Variants in PCDH11X observed in about 807,000 individuals in gnomAD.
PCDH11X encodes the protein protocadherin-11 X-linked.
In PCDH11X, 18 loss-of-function variants were observed where a neutral mutation model predicts 53.3. The ratio of observed to expected loss-of-function variants is 0.34; its 90% CI spans 0.23 to 0.50. PCDH11X has a LOEUF of 0.50. PCDH11X is among the 20% of genes least tolerant of loss of function. The probability of loss-of-function intolerance (pLI) is 0.98; values close to 1 mark genes in which losing one functional copy is unlikely to be tolerated. For missense variants in PCDH11X, 570 were observed against 1,032.4 expected, an observed-to-expected ratio of 0.55 and a Z score of 6.14; for synonymous variants, 279 against 393.3, an observed-to-expected ratio of 0.71 and a Z score of 3.44.
intron 6 of PCDH11X, among the ~76,000 whole-genome samples, chrX:91,964,473 G>A (rs955775612): frequency 1.9e-4 from 21 of 111,082 alleles, no homozygotes; most frequent in African/African-American, 3.0e-4. Context: ...AATGCATGTC[G>A]TGTTAACATG....
chrX:91,900,781 C>T (rs938328912), intron 6 of PCDH11X, among the ~76,000 whole-genome samples: 15 of 110,261 alleles, frequency 1.4e-4, no homozygotes, highest in African/African-American at 5.0e-4. Flanking sequence ...AATTCATGAA[C>T]TACATTTATA....
intron 8 of PCDH11X, among the ~76,000 whole-genome samples, chrX:92,298,107 T>C (rs2148466082): frequency 8.9e-6 from 1 of 111,933 alleles, no homozygotes; most frequent in South Asian, 3.7e-4. Flanking sequence ...ACAGTTTGAC[T>C]TGCTGTCATC....
chrX:92,027,092 G>T (rs2062980001), intron 6 of PCDH11X, among the ~76,000 whole-genome samples: 1 of 111,317 alleles, frequency 9.0e-6, no homozygotes, highest in Admixed American at 9.6e-5. Context: ...AAAATATCCA[G>T]TATTTGTGCA....
intron 6 of PCDH11X, among the ~76,000 whole-genome samples, chrX:91,908,506 A>G (rs1470040749): frequency 8.9e-6 from 1 of 112,169 alleles, no homozygotes; most frequent in Non-Finnish European, 1.9e-5. Flanking sequence ...CAGAATGGCT[A>G]TTATTAAAAA....
At chrX:92,472,113 C>A (rs995775294) in intron 10 of PCDH11X, among the ~76,000 whole-genome samples, 1 of 110,256 alleles carries the variant, frequency 9.1e-6, no homozygotes, top group African/African-American at 3.3e-5. Context: ...TTACTTAGAT[C>A]TCATTCGTCA....
At chrX:92,516,561 C>T (rs1400379508) in intron 10 of PCDH11X, among the ~76,000 whole-genome samples, 1 of 111,846 alleles carries the variant, frequency 8.9e-6, no homozygotes, top group African/African-American at 3.2e-5. Context: ...AGTAAAAAAT[C>T]AAATCCCAAG....
rs549951812 is a variant in PCDH11X, at chrX:91,988,921, A to G, written c.3033+109648A>G. Among the ~76,000 whole-genome samples, 7 of 111,681 alleles carry G rather than the reference A, an allele frequency of 6.3e-5. No individual in the cohort carries two copies. The South Asian group carries it at 2.6e-3, about 42-fold the overall frequency. Reference sequence around the variant, plus strand: ...CAAGAATTCACTTCTTGATTCAAATATATATCCATTTCACAGGGAACCAAC... The same window carrying G: ...CAAGAATTCACTTCTTGATTCAAATGTATATCCATTTCACAGGGAACCAAC... On this transcript the variant is annotated intron_variant, in intron 6 of 10. Transcript: ENST00000682573.
At chrX:92,125,493 A>G (rs1400349190) in intron 6 of PCDH11X, among the ~76,000 whole-genome samples, 3 of 110,698 alleles carry the variant, frequency 2.7e-5, no homozygotes, top group Non-Finnish European at 5.7e-5. Context: ...ACATTATGTA[A>G]CAGTAGACAA....
chrX:92,103,413 G>T (rs1048264392), intron 6 of PCDH11X, among the ~76,000 whole-genome samples: 3 of 110,981 alleles, frequency 2.7e-5, no homozygotes, highest in African/African-American at 9.9e-5. Context: ...TATTGATTAA[G>T]AAGGGGACGG....
intron 6 of PCDH11X, among the ~76,000 whole-genome samples, chrX:91,937,878 G>T (rs1378867810): frequency 1.8e-5 from 2 of 110,871 alleles, no homozygotes; most frequent in African/African-American, 6.5e-5. Context: ...CACTATGTGT[G>T]CCTATTTGTC....
At chrX:92,369,608 A>G (rs1350556846) in intron 8 of PCDH11X, among the ~76,000 whole-genome samples, 6 of 110,721 alleles carry the variant, frequency 5.4e-5, no homozygotes, top group Non-Finnish European at 3.8e-5. Flanking sequence ...ACAGCCACCC[A>G]ATTTTTGGCT....
chrX:92,094,159 G>A (rs1178972783), intron 6 of PCDH11X, among the ~76,000 whole-genome samples: 2 of 106,352 alleles, frequency 1.9e-5, no homozygotes, highest in East Asian at 5.9e-4. Context: ...GTGTGTGTGT[G>A]TGTGTGTGTG....
chrX:92,049,071 C>T (rs1602753184), intron 6 of PCDH11X, among the ~76,000 whole-genome samples: 1 of 110,516 alleles, frequency 9.0e-6, no homozygotes, highest in East Asian at 2.9e-4. Context: ...TTTTACAGTG[C>T]AGAGGAAGCT....
At chrX:92,269,196 C>T (rs6615351) in intron 8 of PCDH11X, among the ~76,000 whole-genome samples, 10,752 of 111,205 alleles carry the variant, frequency 0.097, 996 homozygotes, top group East Asian at 0.52. Flanking sequence ...AATTCCTTCC[C>T]GGTTATATTT....
chrX:92,510,050 G>T (rs1846374708), intron 10 of PCDH11X, among the ~76,000 whole-genome samples: 1 of 105,345 alleles, frequency 9.5e-6, no homozygotes, highest in Non-Finnish European at 2.0e-5. Context: ...ATTTTAATTT[G>T]GAAGGTTATA....
intron 7 of PCDH11X, among the ~76,000 whole-genome samples, chrX:92,223,618 G>A (rs2066918778): frequency 8.9e-6 from 1 of 111,948 alleles, no homozygotes; most frequent in Non-Finnish European, 1.9e-5. Context: ...GGGCTTTGAG[G>A]TCAGATAATT....
At chrX:92,268,149 G>C (rs1569448507) in intron 8 of PCDH11X, among the ~76,000 whole-genome samples, 1 of 112,118 alleles carries the variant, frequency 8.9e-6, no homozygotes, top group Non-Finnish European at 1.9e-5. Flanking sequence ...TCTTATTTTA[G>C]AGAAGGATTA....
chrX:92,313,158 C>T (rs1374018423), intron 8 of PCDH11X, among the ~76,000 whole-genome samples: 2 of 110,606 alleles, frequency 1.8e-5, no homozygotes, highest in African/African-American at 6.7e-5. Flanking sequence ...GACATTTCTT[C>T]AGTCTGTAAT....
intron 8 of PCDH11X, among the ~76,000 whole-genome samples, chrX:92,317,121 G>A (rs181141335): frequency 1.1e-3 from 117 of 111,143 alleles, no homozygotes; most frequent in African/African-American, 3.6e-3. Context: ...CAAGAGTGAA[G>A]AAATGTTAAC....
Sources: allele counts gnomAD v4.1 joint callset (sites outside exome capture counted in the v4.1 genomes callset), GRCh38; gene constraint gnomAD v4.1.1; transcripts MANE v1.5; gene names NCBI Gene and HGNC (gene_info 2026-07-23, HGNC 2026-07-21).